The following BRI3 variants were observed in gnomAD, a reference collection of about 807,000 sequenced individuals.
BRI3 encodes brain protein I3, also known as membrane protein BRI3.
A neutral mutation model predicts 12.8 loss-of-function variants in BRI3; 6 were observed. The observed-to-expected ratio is 0.47, with a 90% CI of 0.26 to 0.93. The LOEUF (loss-of-function observed/expected upper bound fraction) is 0.93. Ranked by LOEUF, BRI3 falls within the 40% of genes least tolerant of loss-of-function variation. The pLI is 0.15. For synonymous variants in BRI3, 91 were observed against 76.1 expected (o/e 1.20, Z -1.02); for missense variants, 134 against 171.1 (o/e 0.78, Z 1.21).
upstream of BRI3, among the ~76,000 whole-genome samples, chr7:98,306,099 G>T (rs75117480): frequency 5.3e-3 from 810 of 152,268 alleles, 3 homozygotes; most frequent in Non-Finnish European, 7.5e-3. Context: ...CAGCGTTAAG[G>T]GCTGTAAGAT....
At chr7:98,308,979 G>GT (rs369114129) in exon 2 of BRI3, 199 of 147,440 alleles carry the variant, frequency 1.3e-3, no homozygotes, top group South Asian at 9.7e-3. Flanking sequence ...GCTTCTGGCC[G>GT]TTTTTTTTTT....
intron 1 of BRI3, 71 bp from the exon 2 acceptor site, chr7:98,282,280 A>G (rs1799545653): frequency 7.8e-7 from 1 of 1,285,708 alleles, no homozygotes; most frequent in Admixed American, 1.8e-5. Context: ...TTGAGGGGAC[A>G]GGATGAGTAG....
At position 98,288,277 on chromosome 7, in the gene BRI3, G is replaced by A. The variant is rs1799778923; in HGVS notation, c.246-2834G>A. On this transcript the variant is annotated intron_variant, in intron 2 of 2. Coordinates refer to ENST00000297290, the MANE Select transcript of BRI3 (RefSeq NM_015379.5). ...GGCCATCTGTGGGGACACAGCTGGT[G>A]CTTGGCCTTCCCGAGGCTCCCCCAC... Among the ~76,000 whole-genome samples, 3 of 152,146 alleles carry A rather than the reference G, an allele frequency of 2.0e-5. No homozygotes were observed. In the South Asian group the frequency reaches 6.2e-4, roughly 32 times the overall value.
upstream of BRI3, among the ~76,000 whole-genome samples, chr7:98,305,190 CA>C (rs369307224): frequency 4.6e-4 from 69 of 150,922 alleles, no homozygotes; most frequent in East Asian, 0.013. Context: ...TGCGCCTGGC[CA>C]AAAAATTATT....
At chr7:98,292,540 G>A (rs77734478), downstream of BRI3, 4,460 of 1,171,472 alleles carry the variant, frequency 3.8e-3, 98 homozygotes, top group Admixed American at 0.047. Context: ...TTCCAGCCCC[G>A]GGCTCAGGGC....
rs111418866 is a variant in BRI3 at position 98,307,063 on chromosome 7, T to G, written n.144+398T>G. The G allele has an allele frequency of 6.1e-3, 972 of 160,280 alleles. 6 individuals are homozygous for G. Among genetic ancestry groups the G allele is most frequent in the Non-Finnish European group, 7.6e-3 (555 of 72,558 alleles). The allele number at this position is 160,280 out of a possible 1,614,324, so 9.9% of individuals were successfully genotyped here. A position where few individuals can be genotyped will look rare whatever the true frequency, so the allele number is the denominator to read the frequency against. On this transcript the variant is annotated intron_variant and non_coding_transcript_variant, in intron 1 of 1. Transcript: ENST00000485422. ...ATTCAAACTACCTACGTGCTAAACC[T>G]TAACAAAGTATATCTGATATGCAGA... is the stretch of plus-strand genomic sequence containing the variant.
At position 98,281,842 on chromosome 7, in the gene BRI3, T is replaced by G. The variant is rs1799526406; in HGVS notation, c.47T>G (p.Leu16Arg). ...LLQERPPAYN[L>R]EAGQGDYACG... ...CAGGAGCGGCCGCCCGCCTACAACC[T>G]GGAGGCCGGCCAGGGCGACTACGCG... The change falls in exon 1 of 3, where the codon CTG (leucine) becomes CGG (arginine). Residue 16 changes from leucine (L) to arginine (R), a missense_variant. Leu to Arg is a moderately radical substitution (Grantham distance 102, BLOSUM62 -2). Transcript: ENST00000297290. The G allele has an allele frequency of 7.7e-7, 1 of 1,294,646 alleles. No individual in the cohort carries two copies. 80.2% of individuals were successfully genotyped at this position (1,294,646 alleles called of 1,614,324 possible).
the BRI3 span, chr7:98,315,551 T>C: frequency 5.2e-5 from 78 of 1,512,014 alleles, no homozygotes; most frequent in Non-Finnish European, 6.9e-5. Context: ...CAGAGCCTCT[T>C]TGCAACCATC....
chr7:98,304,156 G>A (rs760806354), upstream of BRI3: 9 of 1,507,978 alleles, frequency 6.0e-6, no homozygotes, highest in East Asian at 4.9e-5. Flanking sequence ...CGGGGATGGC[G>A]AGTCCAGGAC....
chr7:98,287,362 G>A (rs893361769), intron 2 of BRI3, among the ~76,000 whole-genome samples: 8 of 152,250 alleles, frequency 5.3e-5, no homozygotes, highest in African/African-American at 1.9e-4. Context: ...TGGCACAAAC[G>A]GCCCAGCCCT....
At chr7:98,293,073 A>C, downstream of BRI3, 1 of 703,962 alleles carries the variant, frequency 1.4e-6, no homozygotes, top group Non-Finnish European at 1.8e-6. Context: ...TTTGCATGCT[A>C]AGATGCAAAC....
At chr7:98,311,268 G>A (rs999764435), downstream of BRI3, among the ~76,000 whole-genome samples, 8 of 152,122 alleles carry the variant, frequency 5.3e-5, no homozygotes, top group African/African-American at 1.9e-4. Flanking sequence ...GTATGGTTGG[G>A]TGCAGTGGCT....
At chr7:98,302,273 A>G (rs1800461504), upstream of BRI3, among the ~76,000 whole-genome samples, 1 of 152,184 alleles carries the variant, frequency 6.6e-6, no homozygotes, top group South Asian at 2.1e-4. Flanking sequence ...TGACAATGAC[A>G]CGTTTTCATT....
At chr7:98,292,578 C>T (rs1445868697), downstream of BRI3, 3 of 1,496,040 alleles carry the variant, frequency 2.0e-6, no homozygotes, top group Non-Finnish European at 2.7e-6. Context: ...CACATCCATA[C>T]CATAGGGCCA....
exon 2 of BRI3, chr7:98,307,968 C>T: frequency 7.2e-7 from 1 of 1,386,688 alleles, no homozygotes; most frequent in Non-Finnish European, 1.0e-6. Context: ...AATGAGCAAA[C>T]CCCAGGAATC....
intron 2 of BRI3, chr7:98,282,814 C>G (rs77909254): frequency 3.1e-5 from 7 of 222,396 alleles, no homozygotes; most frequent in Non-Finnish European, 6.3e-5. Flanking sequence ...CTTCACTTTC[C>G]GCAAGTTTAC....
At chr7:98,292,961 AGGG>A, downstream of BRI3, 1 of 1,220,524 alleles carries the variant, frequency 8.2e-7, no homozygotes, top group South Asian at 3.2e-5. Flanking sequence ...GGTTGGAGGG[AGGG>A]TGGGGGTTTC....
At chr7:98,304,068 C>T, upstream of BRI3, 2 of 1,005,118 alleles carry the variant, frequency 2.0e-6, no homozygotes, top group Non-Finnish European at 2.7e-6. Flanking sequence ...CCCCTCCTCC[C>T]TCCTCCCCGG....
the BRI3 span, chr7:98,317,448 C>T: frequency 6.7e-7 from 1 of 1,496,936 alleles, no homozygotes; most frequent in Non-Finnish European, 9.1e-7. Context: ...GTGTGTGGCT[C>T]AACGGGGCCC....
Sources: gnomAD v4.1 joint callset for allele counts (sites outside exome capture counted in the v4.1 genomes callset) on GRCh38, gnomAD v4.1.1 for gene constraint, MANE v1.5 for transcripts, NCBI Gene and HGNC (gene_info 2026-07-23, HGNC 2026-07-21) for gene names.